RP1: variants seen among roughly 807,000 people sequenced by gnomAD.
RP1 encodes the protein oxygen-regulated protein 1.
RP1 carries 16 observed loss-of-function variants against 14.8 expected under a neutral mutation model. That is an observed-to-expected ratio of 1.08 (90% CI 0.73 to 1.65). The LOEUF is 1.65. Among genes scored for constraint, RP1 ranks in the 40% most tolerant of loss-of-function variants. The pLI, the probability that RP1 is intolerant of heterozygous loss-of-function variation, is 0.00. For synonymous variants in RP1, 876 were observed against 883.6 expected, an observed-to-expected ratio of 0.99 and a Z score of 0.15; for missense variants, 2,631 against 2,535.0, an observed-to-expected ratio of 1.04 and a Z score of -0.81.
At chr8:54,632,023 G>A (rs1156319605), downstream of RP1, among the ~76,000 whole-genome samples, 1 of 151,900 alleles carries the variant, frequency 6.6e-6, no homozygotes, top group Non-Finnish European at 1.5e-5. Flanking sequence ...TGTATTTTTA[G>A]TAGAGACGGG....
intron 12 of RP1, among the ~76,000 whole-genome samples, chr8:54,684,534 T>A (rs989622448): frequency 6.6e-6 from 1 of 152,166 alleles, no homozygotes; most frequent in Non-Finnish European, 1.5e-5. Context: ...CTTGGTTCAG[T>A]CTTGCGGGGG....
At chr8:54,746,458 G>A (rs1415681005) in intron 19 of RP1, among the ~76,000 whole-genome samples, 2 of 152,074 alleles carry the variant, frequency 1.3e-5, no homozygotes. Flanking sequence ...GTGCTGTCTA[G>A]CGTCCAAAAC....
At chr8:54,827,713 C>A (rs1462382074) in intron 24 of RP1, among the ~76,000 whole-genome samples, 1 of 152,084 alleles carries the variant, frequency 6.6e-6, no homozygotes, top group Non-Finnish European at 1.5e-5. Flanking sequence ...GCCTGGCCAA[C>A]ACGGTGAAAC....
chr8:54,771,373 T>C (rs1364570139), downstream of RP1, among the ~76,000 whole-genome samples: 1 of 152,056 alleles, frequency 6.6e-6, no homozygotes, highest in Non-Finnish European at 1.5e-5. Context: ...GGCTAATAGT[T>C]TTAAAATGAA....
rs1243903242 is a variant in RP1 at position 54,627,487 on chromosome 8, A to T, written c.3605A>T (p.Asp1202Val). 1 of 1,614,156 alleles carries T rather than the reference A, an allele frequency of 6.2e-7. No individual in the cohort carries two copies. The highest frequency in any genetic ancestry group is 1.7e-5 in the Admixed American group (1 of 60,020). The change falls in exon 4 of 4, where the codon GAC becomes GTC. Residue 1202 changes from aspartate (D) to valine (V), a missense_variant. Asp to Val is a radical substitution (Grantham distance 152). Transcript: ENST00000220676. ...SHFGLSEKEQ[D>V]MVPIDLSANC... ...TTTGGACTCAGTGAGAAAGAACAAG[A>T]CATGGTTCCAATAGATCTTTCTGCA...
chr8:54,860,871 A>T (rs1812328164), intron 27 of RP1, among the ~76,000 whole-genome samples: 1 of 152,234 alleles, frequency 6.6e-6, no homozygotes, highest in South Asian at 2.1e-4. Flanking sequence ...GGAAGAATGT[A>T]AAAACCTTCA....
At chr8:54,692,566 A>T (rs1807740877) in intron 12 of RP1, among the ~76,000 whole-genome samples, 1 of 57,714 alleles carries the variant, frequency 1.7e-5, no homozygotes, top group Non-Finnish European at 3.2e-5. Flanking sequence ...TCTGATGGCC[A>T]GTGATAATGA....
chr8:54,573,109 T>A (rs996050885), intron 1 of RP1, among the ~76,000 whole-genome samples: 2 of 152,210 alleles, frequency 1.3e-5, no homozygotes, highest in African/African-American at 4.8e-5. Context: ...TAATCCCTTT[T>A]TTTGGCCATA....
At chr8:54,606,723 T>C (rs1805454867) in intron 1 of RP1, among the ~76,000 whole-genome samples, 1 of 152,226 alleles carries the variant, frequency 6.6e-6, no homozygotes, top group African/African-American at 2.4e-5. Flanking sequence ...CCCATATTTC[T>C]TGGAGGCTTT....
chr8:54,744,254 G>A (rs1418182186), intron 19 of RP1, among the ~76,000 whole-genome samples: 1 of 152,152 alleles, frequency 6.6e-6, no homozygotes, highest in Non-Finnish European at 1.5e-5. Context: ...ATTGCATGTG[G>A]AGGAAGTTCC....
chr8:54,722,517 G>C (rs1585636380), intron 16 of RP1, among the ~76,000 whole-genome samples: 1 of 152,126 alleles, frequency 6.6e-6, no homozygotes, highest in East Asian at 1.9e-4. Flanking sequence ...TGATCCGCCC[G>C]CCTCGGCCTC....
At chr8:54,667,444 T>C (rs1015923511) in intron 7 of RP1, among the ~76,000 whole-genome samples, 1 of 152,110 alleles carries the variant, frequency 6.6e-6, no homozygotes. Flanking sequence ...CTGCAGGCTG[T>C]TTTTTGCAGC....
At chr8:54,815,900 C>T (rs1041964185) in intron 24 of RP1, among the ~76,000 whole-genome samples, 7 of 152,184 alleles carry the variant, frequency 4.6e-5, no homozygotes, top group African/African-American at 1.7e-4. Flanking sequence ...TTTGCCTTTG[C>T]TCTGAGTGGT....
chr8:54,742,386 G>A (rs369921912), intron 19 of RP1, among the ~76,000 whole-genome samples: 3 of 152,016 alleles, frequency 2.0e-5, no homozygotes, highest in Non-Finnish European at 4.4e-5. Flanking sequence ...TTGTATCTTT[G>A]GTTGTATAAT....
chr8:54,620,161 G>T (rs1805820080), intron 1 of RP1, among the ~76,000 whole-genome samples: 1 of 152,024 alleles, frequency 6.6e-6, no homozygotes, highest in African/African-American at 2.4e-5. Flanking sequence ...ATCAACACTG[G>T]GTTGTATATA....
chr8:54,771,526 T>C (rs570554677), downstream of RP1, among the ~76,000 whole-genome samples: 102 of 152,046 alleles, frequency 6.7e-4, 1 homozygote, highest in Non-Finnish European at 1.4e-3. Flanking sequence ...TTCATCAAAT[T>C]TGATTAAATT....
chr8:54,840,443 G>C (rs1811765183), intron 25 of RP1, among the ~76,000 whole-genome samples: 2 of 151,956 alleles, frequency 1.3e-5, no homozygotes, highest in South Asian at 4.2e-4. Context: ...AGTAGAGATA[G>C]GGTTTCACCA....
intron 1 of RP1, among the ~76,000 whole-genome samples, chr8:54,594,436 T>C (rs981406690): frequency 5.9e-5 from 9 of 152,372 alleles, no homozygotes; most frequent in African/African-American, 2.2e-4. Flanking sequence ...TCTCTACCTT[T>C]ATGAGTGCCC....
chr8:54,818,800 C>T (rs1811191364), intron 24 of RP1, among the ~76,000 whole-genome samples: 1 of 152,136 alleles, frequency 6.6e-6, no homozygotes, highest in Non-Finnish European at 1.5e-5. Context: ...GACAGGATCT[C>T]AGAACAAGGC....
Sources: gnomAD v4.1 joint callset for allele counts (sites outside exome capture counted in the v4.1 genomes callset) on GRCh38, gnomAD v4.1.1 for gene constraint, MANE v1.5 for transcripts, NCBI Gene and HGNC (gene_info 2026-07-23, HGNC 2026-07-21) for gene names.